The following DAB1 variants were observed in gnomAD, a reference collection of about 807,000 sequenced individuals.
The protein encoded by DAB1 is disabled homolog 1.
In DAB1, 15 loss-of-function variants were observed where a neutral mutation model predicts 64.6. That is an observed-to-expected ratio of 0.23 (90% CI 0.16 to 0.36). The LOEUF is 0.36. Ranked by LOEUF, DAB1 falls within the 10% of genes least tolerant of loss-of-function variation. The pLI is 1.00. For synonymous variants in DAB1, 235 were observed against 251.9 expected (o/e 0.93, Z 0.64); for missense variants, 596 against 706.7 (o/e 0.84, Z 1.78).
chr1:57,247,289 G>A (rs897898514), intron 2 of DAB1, among the ~76,000 whole-genome samples: 6 of 152,158 alleles, frequency 3.9e-5, no homozygotes, highest in Admixed American at 1.3e-4. Flanking sequence ...TCATGATAGC[G>A]AGTTCTTCAC....
intron 3 of DAB1, among the ~76,000 whole-genome samples, chr1:58,487,523 T>C (rs1048968170): frequency 1.3e-5 from 2 of 152,226 alleles, no homozygotes; most frequent in East Asian, 1.9e-4. Context: ...ATTTTGAAGG[T>C]AGAACTAATT....
intron 4 of DAB1, among the ~76,000 whole-genome samples, chr1:58,308,723 T>G (rs1662362146): frequency 6.6e-6 from 1 of 152,152 alleles, no homozygotes; most frequent in Non-Finnish European, 1.5e-5. Context: ...CTTGGACCAA[T>G]GTTGCTGCCA....
chr1:57,521,654 A>T (rs1013154926), intron 7 of DAB1, among the ~76,000 whole-genome samples: 8 of 152,254 alleles, frequency 5.3e-5, no homozygotes, highest in African/African-American at 1.9e-4. Context: ...AGTGACAGCC[A>T]TAGTATTTAT....
intron 5 of DAB1, among the ~76,000 whole-genome samples, chr1:58,108,700 G>T (rs1570362253): frequency 1.3e-5 from 2 of 151,982 alleles, no homozygotes; most frequent in South Asian, 4.2e-4. Context: ...TTTATTCTGG[G>T]GAATGGCTTC....
chr1:57,618,589 C>T (rs1248349791), intron 7 of DAB1, among the ~76,000 whole-genome samples: 2 of 152,082 alleles, frequency 1.3e-5, no homozygotes, highest in African/African-American at 2.4e-5. Flanking sequence ...GGAGCTTAGA[C>T]GGTGGACAGG....
chr1:58,501,538 C>T (rs1645906386), intron 3 of DAB1, among the ~76,000 whole-genome samples: 1 of 152,168 alleles, frequency 6.6e-6, no homozygotes, highest in Admixed American at 6.5e-5. Flanking sequence ...CCATTCCACC[C>T]ACACTGGTTT....
At chr1:58,172,338 T>G (rs1354698814) in intron 4 of DAB1, among the ~76,000 whole-genome samples, 1 of 152,220 alleles carries the variant, frequency 6.6e-6, no homozygotes, top group East Asian at 1.9e-4. Context: ...CTGGCCTTAC[T>G]GTTTACGGGT....
At chr1:57,455,911 T>C (rs1290587686) in intron 7 of DAB1, among the ~76,000 whole-genome samples, 3 of 152,202 alleles carry the variant, frequency 2.0e-5, no homozygotes, top group African/African-American at 7.2e-5. Flanking sequence ...TGTTGGATGA[T>C]GGTCCATCCT....
chr1:57,293,460 T>C (rs1370395247), intron 1 of DAB1, among the ~76,000 whole-genome samples: 1 of 152,150 alleles, frequency 6.6e-6, no homozygotes, highest in Admixed American at 6.5e-5. Context: ...GGGGAGCTGT[T>C]GTGGCAATTA....
chr1:57,042,147 T>C (rs760700257), intron 9 of DAB1, among the ~76,000 whole-genome samples: 14 of 152,178 alleles, frequency 9.2e-5, no homozygotes, highest in Non-Finnish European at 1.8e-4. Context: ...GACTACTTCC[T>C]AGAGCTCTGA....
In DAB1 at chr1:57,217,335, A is replaced by AT. The variant is rs1308375957; in HGVS notation, c.68-71907dup. Among the ~76,000 whole-genome samples, 5 of 152,092 alleles carry AT rather than the reference A, an allele frequency of 3.3e-5. No homozygotes were observed. In the South Asian group the frequency reaches 1.0e-3, roughly 32 times the overall value. On this transcript the variant is annotated intron_variant, in intron 2 of 14. Coordinates refer to ENST00000371236, the MANE Select transcript of DAB1 (RefSeq NM_001365792.1). ...TGTATTATAAAGTCTGGTCTTTTCTATTGCTTGGTCAGCCTTATGGGGCCT... is the reference window on the plus strand; with the variant it reads ...TGTATTATAAAGTCTGGTCTTTTCTATTTGCTTGGTCAGCCTTATGGGGCCT...
chr1:58,356,309 T>TTTG (rs1225762783), intron 3 of DAB1, among the ~76,000 whole-genome samples: 2 of 152,180 alleles, frequency 1.3e-5, no homozygotes, highest in Non-Finnish European at 2.9e-5. Context: ...ACCTTGCCTG[T>TTTG]TTGTTCACTA....
chr1:57,031,395 A>G (rs1184533497), intron 9 of DAB1, among the ~76,000 whole-genome samples: 6 of 152,222 alleles, frequency 3.9e-5, no homozygotes, highest in African/African-American at 1.4e-4. Context: ...AATCATTTTA[A>G]AAGCCTCAAG....
At chr1:57,800,565 A>C (rs926937761) in intron 6 of DAB1, among the ~76,000 whole-genome samples, 1 of 152,224 alleles carries the variant, frequency 6.6e-6, no homozygotes, top group Non-Finnish European at 1.5e-5. Flanking sequence ...ATGCGATGGT[A>C]ACACAGAAGG....
chr1:57,286,377 C>T (rs141480879), intron 2 of DAB1, among the ~76,000 whole-genome samples: 1,611 of 152,212 alleles, frequency 0.011, 19 homozygotes, highest in South Asian at 0.025. Context: ...AAAAACACTT[C>T]TATTTTGTAA....
At chr1:57,242,960 A>G (rs773222687) in intron 2 of DAB1, among the ~76,000 whole-genome samples, 9 of 152,172 alleles carry the variant, frequency 5.9e-5, no homozygotes, top group Non-Finnish European at 1.2e-4. Flanking sequence ...TCCTTTGATC[A>G]TTGTTATTGT....
intron 7 of DAB1, among the ~76,000 whole-genome samples, chr1:57,433,994 T>C (rs1317124234): frequency 6.6e-6 from 1 of 152,060 alleles, no homozygotes. Flanking sequence ...ATTTGAAACA[T>C]TAAATAATTA....
At chr1:57,928,603 T>C (rs1188771334) in intron 5 of DAB1, among the ~76,000 whole-genome samples, 1 of 152,222 alleles carries the variant, frequency 6.6e-6, no homozygotes, top group Non-Finnish European at 1.5e-5. Flanking sequence ...CATAATCCTC[T>C]GTGCTCTGCA....
chr1:57,145,708 A>C (rs1034605206), intron 2 of DAB1, among the ~76,000 whole-genome samples: 2 of 152,250 alleles, frequency 1.3e-5, no homozygotes, highest in African/African-American at 4.8e-5. Context: ...ATGATAAATA[A>C]ATCAGATAAT....
Sources: gnomAD v4.1 joint callset for allele counts (sites outside exome capture counted in the v4.1 genomes callset) on GRCh38, gnomAD v4.1.1 for gene constraint, MANE v1.5 for transcripts, NCBI Gene and HGNC (gene_info 2026-07-23, HGNC 2026-07-21) for gene names.